CCDC57: variants seen among roughly 807,000 people sequenced by gnomAD.
The protein encoded by CCDC57 is coiled-coil domain containing 57.
Under a neutral mutation model 118.9 loss-of-function variants are expected in CCDC57, and 118 were observed. The ratio of observed to expected loss-of-function variants is 0.99; its 90% CI spans 0.86 to 1.16. The LOEUF (loss-of-function observed/expected upper bound fraction) is 1.16, where lower values mean the gene tolerates loss of function less well. CCDC57 is among the 50% of genes most tolerant of loss of function. The probability of loss-of-function intolerance (pLI) is 0.00; values close to 1 mark genes in which losing one functional copy is unlikely to be tolerated. For synonymous variants in CCDC57, 527 were observed against 532.9 expected (o/e 0.99, Z 0.15); for missense variants, 1,300 against 1,320.7 (o/e 0.98, Z 0.24).
At chr17:82,151,194 C>T (rs1464240137) in intron 16 of CCDC57, among the ~76,000 whole-genome samples, 14,724 of 101,518 alleles carry the variant, frequency 0.15, 4,086 homozygotes, top group East Asian at 0.5. Context: ...CACCCAGAAC[C>T]AGGCGCACAT....
At chr17:82,184,817 GA>G (rs1457803735) in intron 8 of CCDC57, 1 of 152,266 alleles carries the variant, frequency 6.6e-6, no homozygotes. Flanking sequence ...AACAGTTTTG[GA>G]CACATATTTT....
At position 82,157,865 on chromosome 17, in the gene CCDC57, C is replaced by T. The variant is rs367918124; in HGVS notation, c.2124G>A (p.Glu708=). 1.7e-4 allele frequency: 268 copies of T among 1,584,682 alleles called. No individual in the cohort carries two copies. The African/African-American group carries it at 3.3e-3, about 19-fold the overall frequency. The stretch of plus-strand genomic sequence containing the variant: ...CCAGCTCAGCCACCTGCTTCCGCAG[C>T]TCCAAAACCTCCAGGTGTACCTGGT... The change falls in exon 15 of 20, where the codon GAG becomes GAA. Residue 708 remains glutamate (E), a synonymous_variant. Transcript: ENST00000665763.
chr17:82,122,424 TG>T lies in CCDC57; in HGVS notation c.2899+5267del, dbSNP rs769781088. Among the ~76,000 whole-genome samples the T allele has an allele frequency of 4.6e-5, 7 of 152,276 alleles. No homozygotes were observed. In the East Asian group the frequency reaches 1.2e-3, roughly 25 times the overall value. On this transcript the variant is annotated intron_variant, in intron 19 of 19. Transcript: ENST00000665763. ...CTCCCTCAGGCCCAGGGCAGGTGCT[TG>T]TGGCGCTCTAGGACTCGGAGGGCAG... is the stretch of plus-strand genomic sequence containing the variant.
chr17:82,143,943 CAAAAAA>C (rs60893321), intron 16 of CCDC57, among the ~76,000 whole-genome samples: 1 of 120,926 alleles, frequency 8.3e-6, no homozygotes. Context: ...ACTAAAAATA[CAAAAAA>C]AAAAAAAAAA....
chr17:82,148,155 AT>A, intron 16 of CCDC57, among the ~76,000 whole-genome samples: 1 of 121,048 alleles, frequency 8.3e-6, no homozygotes. Flanking sequence ...GGATGGATGG[AT>A]GGATGGATGG....
chr17:82,111,338 G>A (rs1382718819), intron 19 of CCDC57, among the ~76,000 whole-genome samples: 1 of 143,724 alleles, frequency 7.0e-6, no homozygotes, highest in Non-Finnish European at 1.5e-5. Flanking sequence ...CCTGACCCTC[G>A]TGATCCACCC....
rs1399277449 is a variant in CCDC57, at chr17:82,212,392, CCTCT to C, written c.-211+389_-211+392del. On this transcript the variant is annotated intron_variant, in intron 1 of 19. Transcript: ENST00000665763. This position sits in a 1 kb window ranked among gnomAD's most constrained non-coding sequence, Gnocchi z 4.1. ...ACCACCGCCTCCGGCCTTTTTTTTT[CCTCT>C]CTTTTTTTTTTTTTTTTTTTAAACT... Among the ~76,000 whole-genome samples, 2 of 17,218 alleles carry C rather than the reference CCTCT, an allele frequency of 1.2e-4. No individual in the cohort carries two copies. The highest frequency in any genetic ancestry group is 1.5e-3 in the South Asian group (1 of 680). 11.3% of individuals were successfully genotyped at this position (17,218 alleles called of 152,430 possible). A position where few individuals can be genotyped will look rare whatever the true frequency, so the allele number is the denominator to read the frequency against.
At chr17:82,120,288 C>T (rs1157054470) in intron 19 of CCDC57, among the ~76,000 whole-genome samples, 2 of 151,934 alleles carry the variant, frequency 1.3e-5, no homozygotes, top group Non-Finnish European at 2.9e-5. Flanking sequence ...CTGTGCCTGG[C>T]AACATTATTA....
At chr17:82,171,990 C>A in intron 12 of CCDC57, 137 bp from the exon 12 acceptor site, 2 of 873,162 alleles carry the variant, frequency 2.3e-6, no homozygotes, top group Admixed American at 2.2e-5. Context: ...CACACTACAG[C>A]TTCACCGTAG....
intron 16 of CCDC57, among the ~76,000 whole-genome samples, chr17:82,142,523 A>G (rs538509338): frequency 6.6e-6 from 1 of 152,100 alleles, no homozygotes; most frequent in Non-Finnish European, 1.5e-5. Flanking sequence ...TGTGTTGGCC[A>G]GGTTGGTCTT....
Position 82,172,632 on chromosome 17 carries a change from A to G in CCDC57, c.1729+6T>C. On this transcript the variant is annotated splice_donor_region_variant and intron_variant, in intron 12 of 19. Coordinates refer to ENST00000665763, the Ensembl canonical transcript of CCDC57. The surrounding 1 kb of genome is among the most constrained non-coding windows in gnomAD (Gnocchi z 5.2). The stretch of plus-strand genomic sequence containing the variant: ...CCCGCTCTGTCCGTTTCTCCCACTT[A>G]CTCACCAGGAGTGGCGGCATCTCCC... 3.2e-6 allele frequency: 5 copies of G among 1,549,076 alleles called. No individual in the cohort carries two copies. The highest frequency in any genetic ancestry group is 4.4e-6 in the Non-Finnish European group (5 of 1,146,410).
intron 7 of CCDC57, among the ~76,000 whole-genome samples, chr17:82,189,932 C>T (rs1022829358): frequency 1.3e-5 from 2 of 152,086 alleles, no homozygotes; most frequent in Non-Finnish European, 2.9e-5. Context: ...ATCACTTGAA[C>T]CCAGGAGGCG....
At chr17:82,165,308 C>G (rs868543576) in intron 13 of CCDC57, among the ~76,000 whole-genome samples, 3 of 152,204 alleles carry the variant, frequency 2.0e-5, no homozygotes, top group Non-Finnish European at 4.4e-5. Flanking sequence ...GCCTGCTAAT[C>G]TCAGCTAAAG....
chr17:82,186,091 G>C (rs1406258714), intron 8 of CCDC57, among the ~76,000 whole-genome samples: 1 of 151,860 alleles, frequency 6.6e-6, no homozygotes, highest in Non-Finnish European at 1.5e-5. Context: ...GCTGGGATTA[G>C]AGGTGTGAGC....
chr17:82,121,528 A>T (rs1017251426), intron 19 of CCDC57, among the ~76,000 whole-genome samples: 6 of 152,358 alleles, frequency 3.9e-5, no homozygotes, highest in East Asian at 1.9e-4. Context: ...GGCTCTGGGC[A>T]GCTTCTCCCT....
chr17:82,198,202 G>A, intron 4 of CCDC57, 112 bp downstream of exon 3: 1 of 632,840 alleles, frequency 1.6e-6, no homozygotes, highest in South Asian at 2.0e-5. Flanking sequence ...CTCCCAAGGA[G>A]AATGCAGGCA....
chr17:82,124,689 G>T (rs948704681), intron 19 of CCDC57, among the ~76,000 whole-genome samples: 2 of 152,026 alleles, frequency 1.3e-5, no homozygotes, highest in African/African-American at 4.8e-5. Context: ...CCAGCTACTT[G>T]GGAGGCTGAG....
In CCDC57 at chr17:82,151,951, G is replaced by A. The variant is rs2042114760; in HGVS notation, c.2242-178C>T. The A allele has an allele frequency of 3.8e-5, 23 of 601,944 alleles. 1 individual carries two copies. In the South Asian group the frequency reaches 4.3e-4, roughly 11 times the overall value. 37.3% of individuals were successfully genotyped at this position (601,944 alleles called of 1,614,324 possible). On this transcript the variant is annotated intron_variant, in intron 15 of 19. Transcript: ENST00000665763. The stretch of plus-strand genomic sequence containing the variant: ...GAGTCGCTGCTCCCAGTGCTTCAGT[G>A]GGTTCCTTCTCTTCCACAAATAGAA...
intron 16 of CCDC57, 88 bp downstream of exon 15, chr17:82,151,472 C>A: frequency 8.0e-7 from 1 of 1,249,612 alleles, no homozygotes; most frequent in East Asian, 2.6e-5. Context: ...ATCTGACCCA[C>A]ATCCAGAACC....
Sources: gnomAD v4.1 joint callset for allele counts (sites outside exome capture counted in the v4.1 genomes callset) on GRCh38, gnomAD v4.1.1 for gene constraint, Gnocchi (gnomAD v3.1) non-coding constraint, MANE v1.5 for transcripts, NCBI Gene and HGNC (gene_info 2026-07-23, HGNC 2026-07-21) for gene names.